The following CLPTM1L variants were observed in gnomAD, a reference collection of about 807,000 sequenced individuals.
CLPTM1L encodes lipid scramblase CLPTM1L.
A neutral mutation model predicts 70.9 loss-of-function variants in CLPTM1L; 38 were observed. The ratio of observed to expected loss-of-function variants is 0.54; its 90% CI spans 0.41 to 0.70. The LOEUF (loss-of-function observed/expected upper bound fraction) is 0.70. Ranked by LOEUF, CLPTM1L falls within the 30% of genes least tolerant of loss-of-function variation. CLPTM1L has a pLI of 0.00. For synonymous variants in CLPTM1L, 339 were observed against 299.9 expected, an observed-to-expected ratio of 1.13 and a Z score of -1.35; for missense variants, 652 against 705.9, an observed-to-expected ratio of 0.92 and a Z score of 0.87.
intron 5 of CLPTM1L, among the ~76,000 whole-genome samples, chr5:1,336,800 A>C (rs924172748): frequency 1.3e-5 from 2 of 152,304 alleles, no homozygotes; most frequent in Admixed American, 1.3e-4. Context: ...CCAGAAGTGA[A>C]GGAGGCAGTA....
chr5:1,329,469 G>GGCCTCAGGACTCTCTGCCTGGTGGACAGA (rs1561238539), intron 9 of CLPTM1L, among the ~76,000 whole-genome samples: 1 of 143,702 alleles, frequency 7.0e-6, no homozygotes. Flanking sequence ...TGGTGGACAG[G>GGCCTCAGGACTCTCTGCCTGGTGGACAGA]GCCTCAGGAC....
At chr5:1,344,000 A>G (rs1440739558) in intron 2 of CLPTM1L, among the ~76,000 whole-genome samples, 1 of 152,226 alleles carries the variant, frequency 6.6e-6, no homozygotes, top group Non-Finnish European at 1.5e-5. Context: ...AACTACTTCC[A>G]CCAGGAAAAG....
At chr5:1,319,751 G>A (rs945606850) in intron 16 of CLPTM1L, among the ~76,000 whole-genome samples, 3 of 152,220 alleles carry the variant, frequency 2.0e-5, no homozygotes, top group African/African-American at 7.2e-5. Flanking sequence ...GCCAGAGAAA[G>A]GACACAGCCA....
intron 7 of CLPTM1L, among the ~76,000 whole-genome samples, chr5:1,333,503 G>T (rs1753297977): frequency 6.8e-6 from 1 of 146,496 alleles, no homozygotes; most frequent in Admixed American, 6.8e-5. Context: ...TGAGGATAAG[G>T]GGGGACTACT....
At chr5:1,323,382 C>A (rs1752293853) in intron 12 of CLPTM1L, among the ~76,000 whole-genome samples, 1 of 132,274 alleles carries the variant, frequency 7.6e-6, no homozygotes, top group Admixed American at 7.6e-5. Context: ...AGGGCCAGCA[C>A]CCCACCCGGG....
chr5:1,332,136 AG>A, intron 7 of CLPTM1L: 1 of 495,114 alleles, frequency 2.0e-6, no homozygotes, highest in East Asian at 3.4e-5. Flanking sequence ...ACTGCTGGAA[AG>A]GCCCCCAGGC....
At chr5:1,332,858 A>G (rs976460705) in intron 7 of CLPTM1L, among the ~76,000 whole-genome samples, 6 of 152,266 alleles carry the variant, frequency 3.9e-5, no homozygotes, top group Non-Finnish European at 8.8e-5. Flanking sequence ...ACACATATTC[A>G]GACATCCAAT....
At chr5:1,326,730 G>A (rs1262109602) in intron 9 of CLPTM1L, among the ~76,000 whole-genome samples, 7,531 of 74,260 alleles carry the variant, frequency 0.1, 1 homozygote, top group African/African-American at 0.19. Context: ...TCCTCTACGG[G>A]GACATTTCAT....
Position 1,344,943 on chromosome 5 carries a change from G to C in CLPTM1L, c.-102C>G. 2 of 664,916 alleles carry C rather than the reference G, an allele frequency of 3.0e-6. No individual in the cohort carries two copies. The highest frequency in any genetic ancestry group is 3.7e-6 in the Non-Finnish European group (2 of 538,638). 41.2% of individuals were successfully genotyped at this position (664,916 alleles called of 1,614,324 possible). A position where few individuals can be genotyped will look rare whatever the true frequency, so the allele number is the denominator to read the frequency against. Reference sequence around the variant, plus strand: ...GCTCCGGGCTCCGCCGCTCACTGGAGAGCCGCCGCGCGCCACCGCCACCGC... The same window carrying C: ...GCTCCGGGCTCCGCCGCTCACTGGACAGCCGCCGCGCGCCACCGCCACCGC... On this transcript the variant is annotated 5_prime_UTR_variant, in exon 1 of 17. Transcript: ENST00000320895.
chr5:1,327,288 T>TCATCCAGCTCCTCCTCTACAGGGACATTC (rs1752661719), intron 9 of CLPTM1L, among the ~76,000 whole-genome samples: 1 of 93,892 alleles, frequency 1.1e-5, no homozygotes, highest in Non-Finnish European at 2.2e-5. Flanking sequence ...CAGGGACATT[T>TCATCCAGCTCCTCCTCTACAGGGACATTC]CATCCAGCTC....
In CLPTM1L at chr5:1,336,835, G is replaced by C. The variant is rs1753602400; in HGVS notation, c.678+1069C>G. Reference sequence around the variant, plus strand: ...ATGTTAGGGACTGCAAGGGGTCTGAGGGAACAGCAGTACAGGGGGACTGTT... The same window carrying C: ...ATGTTAGGGACTGCAAGGGGTCTGACGGAACAGCAGTACAGGGGGACTGTT... On this transcript the variant is annotated intron_variant, in intron 5 of 16. Transcript: ENST00000320895. Among the ~76,000 whole-genome samples, 3 of 152,192 alleles carry C rather than the reference G, an allele frequency of 2.0e-5. No homozygotes were observed. In the East Asian group the frequency reaches 5.8e-4, roughly 29 times the overall value.
At position 1,331,436 on chromosome 5, in the gene CLPTM1L, A is replaced by G. The variant is rs184034895; in HGVS notation, c.976+363T>C. The G allele has an allele frequency of 1.2e-3, 379 of 327,508 alleles. 2 individuals carry two copies. The highest frequency in any genetic ancestry group is 7.1e-3 in the African/African-American group (343 of 48,056). The allele number at this position is 327,508 out of a possible 1,614,324, so 20.3% of individuals were successfully genotyped here. On this transcript the variant is annotated intron_variant, in intron 8 of 16. Coordinates refer to ENST00000320895, the MANE Select transcript of CLPTM1L (RefSeq NM_030782.5). ...GGGAGGACGGGGCGAGGGAACCAAG[A>G]CAGGGGATGTGAGGCCCCAGCCCTG...
intron 10 of CLPTM1L, 190 bp from the exon 11 acceptor site, chr5:1,325,003 C>T (rs1009463148): frequency 3.3e-6 from 2 of 609,194 alleles, no homozygotes; most frequent in Non-Finnish European, 2.9e-6. Context: ...TCCCGCCTCA[C>T]CCTGGCCCTG....
At chr5:1,339,974 TA>T (rs998065402) in intron 3 of CLPTM1L, among the ~76,000 whole-genome samples, 1 of 152,206 alleles carries the variant, frequency 6.6e-6, no homozygotes, top group African/African-American at 2.4e-5. Context: ...GTCGGCACCC[TA>T]ACCTGTGAAC....
rs1442865642 is a variant in CLPTM1L at position 1,333,094 on chromosome 5, AGGATAAGGGGGGACTACTGTAGACACACC to A, written c.891+1166_891+1194del. Among the ~76,000 whole-genome samples, 66 of 90,720 alleles carry A rather than the reference AGGATAAGGGGGGACTACTGTAGACACACC, an allele frequency of 7.3e-4. 1 individual carries two copies. Among genetic ancestry groups the A allele is most frequent in the Admixed American group, 1.1e-3 (11 of 10,234 alleles). 59.5% of individuals were successfully genotyped at this position (90,720 alleles called of 152,430 possible). ...GGGACTACTGTATACACACCGGATG[AGGATAAGGGGGGACTACTGTAGACACACC>A]GGATAAGGGGGGACTACTGTATACA... On this transcript the variant is annotated intron_variant, in intron 7 of 16. Coordinates refer to ENST00000320895, the MANE Select transcript of CLPTM1L (RefSeq NM_030782.5).
At chr5:1,332,964 C>CAAGGGGGGACTACTGTATACACACCGGAT (rs1561243073) in intron 7 of CLPTM1L, among the ~76,000 whole-genome samples, 1 of 134,550 alleles carries the variant, frequency 7.4e-6, no homozygotes, top group African/African-American at 2.8e-5. Flanking sequence ...TGGATGAGAA[C>CAAGGGGGGACTACTGTATACACACCGGAT]AAGGGGGGAC....
Position 1,318,192 on chromosome 5 carries a change from T to C in CLPTM1L, c.*177A>G, listed in dbSNP as rs1192068913. ...AGACAGATGTTCACACGTGGGGGCA[T>C]CGTAAGCGCTACCAGCTCCAAATCT... On this transcript the variant is annotated 3_prime_UTR_variant, in exon 17 of 17. Transcript: ENST00000320895. The surrounding 1 kb of genome is among the most constrained non-coding windows in gnomAD (Gnocchi z 8.9). The C allele has an allele frequency of 5.0e-6, 3 of 605,654 alleles. No individual in the cohort carries two copies. Among genetic ancestry groups the C allele is most frequent in the East Asian group, 5.6e-5 (2 of 35,982 alleles). 37.5% of individuals were successfully genotyped at this position (605,654 alleles called of 1,614,324 possible). A position where few individuals can be genotyped will look rare whatever the true frequency, so the allele number is the denominator to read the frequency against.
intron 11 of CLPTM1L, among the ~76,000 whole-genome samples, chr5:1,324,506 A>G (rs1435388626): frequency 2.0e-5 from 3 of 152,192 alleles, no homozygotes; most frequent in Non-Finnish European, 4.4e-5. Context: ...GTGACTTACA[A>G]ACGATGAAAA....
intron 9 of CLPTM1L, chr5:1,326,325 A>G (rs1752537963): frequency 3.8e-6 from 1 of 264,156 alleles, no homozygotes; most frequent in Admixed American, 5.3e-5. Context: ...CTACAGGGAC[A>G]TTCCATCCAG....
Sources: gnomAD v4.1 joint callset for allele counts (sites outside exome capture counted in the v4.1 genomes callset) on GRCh38, gnomAD v4.1.1 for gene constraint, Gnocchi (gnomAD v3.1) non-coding constraint, MANE v1.5 for transcripts, NCBI Gene and HGNC (gene_info 2026-07-23, HGNC 2026-07-21) for gene names.